Variants in DCTN2 observed in about 807,000 individuals in gnomAD.
DCTN2 encodes dynactin subunit 2.
In DCTN2, 18 loss-of-function variants were observed where a neutral mutation model predicts 55.4. That is an observed-to-expected ratio of 0.32 (90% confidence interval 0.22 to 0.48). DCTN2 has a LOEUF of 0.48. DCTN2 is among the 20% of genes least tolerant of loss of function. The probability of loss-of-function intolerance (pLI) is 0.99; values close to 1 mark genes in which losing one functional copy is unlikely to be tolerated. For synonymous variants in DCTN2, 168 were observed against 185.2 expected (o/e 0.91, Z 0.76); for missense variants, 390 against 491.0 (o/e 0.79, Z 1.94).
At chr12:57,546,559 G>A (rs900505896) in intron 1 of DCTN2, among the ~76,000 whole-genome samples, 42 of 152,112 alleles carry the variant, frequency 2.8e-4, no homozygotes, top group Non-Finnish European at 4.4e-5. Flanking sequence ...GGGAGTGGGG[G>A]CTGGGGGAGG....
chr12:57,543,296 C>T, intron 2 of DCTN2: 1 of 279,366 alleles, frequency 3.6e-6, no homozygotes, highest in Non-Finnish European at 7.0e-6. Flanking sequence ...TCGCAGTGAG[C>T]CAAGATCACG....
chr12:57,533,213 G>C, intron 8 of DCTN2, 25 bp downstream of exon 8: 1 of 1,612,382 alleles, frequency 6.2e-7, no homozygotes, highest in Non-Finnish European at 8.5e-7. Flanking sequence ...CTAAGGCTCA[G>C]ATTATGTACA....
chr12:57,544,252 A>G (rs1054458397), intron 2 of DCTN2: 4 of 361,082 alleles, frequency 1.1e-5, no homozygotes, highest in Non-Finnish European at 1.7e-5. Flanking sequence ...ATATGTTCCC[A>G]TCTTCTATAT....
intron 3 of DCTN2, 76 bp from the exon 4 acceptor site, chr12:57,535,621 C>T: frequency 6.4e-7 from 1 of 1,561,480 alleles, no homozygotes; most frequent in Non-Finnish European, 8.8e-7. Context: ...ACTGTGAGGG[C>T]TTCCATAAAA....
intron 7 of DCTN2, among the ~76,000 whole-genome samples, chr12:57,533,516 A>G (rs1343985103): frequency 2.0e-5 from 3 of 152,208 alleles, no homozygotes; most frequent in Admixed American, 1.3e-4. Context: ...TCACGCCTGT[A>G]ATCCCAGTGC....
At position 57,534,314 on chromosome 12, in the gene DCTN2, C is replaced by A; in HGVS notation, c.502G>T (p.Asp168Tyr). ...CACTTAGCCAGGGCGCCATCGGGGT[C>A]GGTAAGGTTGATTGCAGCATCTGGT... ...LGPDAAINLT[D>Y]PDGALAKRLL... The change falls in exon 6 of 14, where the codon GAC becomes TAC. Residue 168 changes from aspartate (D) to tyrosine (Y), a missense_variant. Around this residue, in one of 2 missense-constraint regions of DCTN2, gnomAD observed 273 missense variants for 303.2 expected, o/e 0.90. Transcript: ENST00000548249. The A allele has an allele frequency of 6.3e-7, 1 of 1,598,490 alleles. No individual in the cohort carries two copies. Among genetic ancestry groups the A allele is most frequent in the South Asian group, 1.1e-5 (1 of 89,946 alleles).
At position 57,532,026 on chromosome 12, in the gene DCTN2, G is replaced by T; in HGVS notation, c.1108C>A (p.Leu370Ile). The change falls in exon 13 of 14, where the codon CTC becomes ATC. Residue 370 changes from leucine (L) to isoleucine (I), a missense_variant. Transcript: ENST00000548249. ...AAAGGGGCACACACCTGGGTCAAGAGGGTGGTATTGTCCTTCAAGGAATTA... is the reference window on the plus strand; with the variant it reads ...AAAGGGGCACACACCTGGGTCAAGATGGTGGTATTGTCCTTCAAGGAATTA... The part of the protein sequence containing the change: ...IANSLKDNTT[L>I]LTQVQTTMRE... 6.4e-7 allele frequency: 1 copy of T among 1,562,120 alleles called. No individual in the cohort carries two copies.
chr12:57,544,070 C>T (rs1464250125), intron 2 of DCTN2: 1 of 433,642 alleles, frequency 2.3e-6, no homozygotes, highest in Admixed American at 2.7e-5. Context: ...CTGTTTGTAT[C>T]ACAGCGACAA....
intron 2 of DCTN2, among the ~76,000 whole-genome samples, chr12:57,537,272 T>C (rs1880313205): frequency 6.8e-6 from 1 of 146,562 alleles, no homozygotes; most frequent in African/African-American, 2.6e-5. Context: ...AGGTGGAGGA[T>C]GCAGTGAGCA....
intron 1 of DCTN2, 58 bp from the exon 2 acceptor site, chr12:57,546,154 T>TC: frequency 6.7e-7 from 1 of 1,492,466 alleles, no homozygotes; most frequent in Non-Finnish European, 9.3e-7. Flanking sequence ...CAACACCCCT[T>TC]CCCCCACTCC....
chr12:57,541,271 C>T (rs769754454), intron 2 of DCTN2: 14 of 1,495,022 alleles, frequency 9.4e-6, no homozygotes, highest in Admixed American at 9.1e-5. Context: ...GAATTTAAAA[C>T]GATTAGCTAC....
At chr12:57,535,603 C>T (rs532362852) in intron 3 of DCTN2, 58 bp from the exon 4 acceptor site, 1 of 1,585,888 alleles carries the variant, frequency 6.3e-7, no homozygotes, top group African/African-American at 1.3e-5. Context: ...CAGTCATGGT[C>T]TCAGGTGACT....
At chr12:57,538,341 TGAA>T (rs745974029) in intron 2 of DCTN2, 1 of 655,742 alleles carries the variant, frequency 1.5e-6, no homozygotes, top group Non-Finnish European at 2.8e-6. Flanking sequence ...AGCAGTGTCT[TGAA>T]GATCTGGGGC....
rs1195315885 is a variant in DCTN2, at chr12:57,546,064, G to T, written c.69C>A (p.Ser23Arg). 1.9e-5 allele frequency: 31 copies of T among 1,613,708 alleles called. No homozygotes were observed. The highest frequency in any genetic ancestry group is 2.6e-5 in the Non-Finnish European group (31 of 1,179,856). The change falls in exon 2 of 14, where the codon AGC becomes AGA. Residue 23 changes from serine to arginine, a missense_variant. Around this residue, in one of 2 missense-constraint regions of DCTN2, gnomAD observed 117 missense variants for 187.8 expected, o/e 0.62. Coordinates refer to ENST00000548249, the MANE Select transcript of DCTN2 (RefSeq NM_001261413.2). The stretch of plus-strand genomic sequence containing the variant: ...CCGCTTGATCATCCTCAGGTAGGTC[G>T]CTAGTTTCATAAACATCTGGCTCAT... ...ARNEPDVYET[S>R]DLPEDDQAEF...
intron 2 of DCTN2, among the ~76,000 whole-genome samples, chr12:57,545,081 A>G (rs1881036486): frequency 6.6e-6 from 1 of 152,212 alleles, no homozygotes; most frequent in South Asian, 2.1e-4. Flanking sequence ...CCCAGAATTA[A>G]CCAGCCCCAC....
intron 2 of DCTN2, chr12:57,541,243 C>T: frequency 1.7e-6 from 2 of 1,208,000 alleles, no homozygotes. Flanking sequence ...CCTCAGTGAC[C>T]CAGCCAGGGA....
At chr12:57,533,520 C>T (rs975055274) in intron 7 of DCTN2, among the ~76,000 whole-genome samples, 1 of 152,140 alleles carries the variant, frequency 6.6e-6, no homozygotes, top group African/African-American at 2.4e-5. Flanking sequence ...GCCTGTAATC[C>T]CAGTGCTTTG....
At chr12:57,544,607 G>T (rs1410501504) in intron 2 of DCTN2, among the ~76,000 whole-genome samples, 2 of 151,672 alleles carry the variant, frequency 1.3e-5, no homozygotes, top group Non-Finnish European at 2.9e-5. Context: ...GTAGAGACGG[G>T]GTCTCAAACT....
In DCTN2 at chr12:57,534,058, T is replaced by C; in HGVS notation, c.564A>G (p.Lys188=). ...LLQLEATKNS[K]GGSGGKTTGT... The stretch of plus-strand genomic sequence containing the variant: ...CAGTGGTTTTTCCCCCTGATCCCCC[T>C]TTGCTGTTCTTTGTTGCTTCCAGCT... The change falls in exon 7 of 14, where the codon AAA becomes AAG. Residue 188 remains lysine, a synonymous_variant. Transcript: ENST00000548249. 1 of 1,610,846 alleles carries C rather than the reference T, an allele frequency of 6.2e-7. No homozygotes were observed.
Sources: allele counts gnomAD v4.1 joint callset (sites outside exome capture counted in the v4.1 genomes callset), GRCh38; gene constraint gnomAD v4.1.1; regional missense constraint gnomAD v4.1.1; transcripts MANE v1.5; gene names NCBI Gene and HGNC (gene_info 2026-07-23, HGNC 2026-07-21).